AP5Z1: variants seen among roughly 807,000 people sequenced by gnomAD.
The protein encoded by AP5Z1 is adaptor related protein complex 5 subunit zeta 1, also known as AP-5 complex subunit zeta-1.
A neutral mutation model predicts 83.0 loss-of-function variants in AP5Z1; 106 were observed. The ratio of observed to expected loss-of-function variants is 1.28; its 90% confidence interval spans 1.09 to 1.50. AP5Z1 has a LOEUF of 1.50. AP5Z1 is among the 40% of genes most tolerant of loss of function. The probability of loss-of-function intolerance (pLI) is 0.00; values close to 1 mark genes in which losing one functional copy is unlikely to be tolerated. For synonymous variants in AP5Z1, 751 were observed against 514.1 expected (o/e 1.46, Z -6.23); for missense variants, 1,565 against 1,094.2 (o/e 1.43, Z -6.07).
rs778239868 is a variant in AP5Z1 at position 4,791,210 on chromosome 7, G to A, written c.2249G>A (p.Arg750Gln). The change falls in exon 17 of 17, where the codon CGG becomes CAG. Residue 750 changes from arginine (R) to glutamine (Q), a missense_variant. Physicochemically the swap from Arg to Gln is conservative, Grantham distance 43. Transcript: ENST00000649063. The part of the protein sequence containing the change: ...SEEGAEAIRT[R>Q]ATELLTLLKM... ...GAGGGCGCGGAAGCCATCCGTACCC[G>A]GGCCACAGAGCTGCTGACCCTGCTG... 66 of 1,612,522 alleles carry A rather than the reference G, an allele frequency of 4.1e-5. No individual in the cohort carries two copies. The highest frequency in any genetic ancestry group is 1.1e-4 in the East Asian group (5 of 44,862).
chr7:4,792,087 G>A lies in AP5Z1; in HGVS notation c.*702G>A, dbSNP rs1012926783. On this transcript the variant is annotated 3_prime_UTR_variant, in exon 17 of 17. Coordinates refer to ENST00000649063, the MANE Select transcript of AP5Z1 (RefSeq NM_014855.3). ...CCATTCGGAGGGAAGGCCCCAGGGA[G>A]CCACCTGAGTGGAGCTCAGAACACT... 1.3e-5 allele frequency: 2 copies of A among 152,324 alleles called. No homozygotes were observed. The highest frequency in any genetic ancestry group is 2.4e-5 in the African/African-American group (1 of 41,456). The allele number at this position is 152,324 out of a possible 1,614,324, so 9.4% of individuals were successfully genotyped here.
At position 4,784,969 on chromosome 7, in the gene AP5Z1, C is replaced by G. The variant is rs751032457; in HGVS notation, c.852C>G (p.Gly284=). Residue 284 remains glycine (G), a synonymous_variant, in exon 7 of 17, where the codon GGC becomes GGG. Transcript: ENST00000649063. The part of the protein sequence containing the change: ...LSVISATSSA[G]RLLPPRERLR... ...TGATCTCCGCCACCTCCTCTGCCGG[C>G]CGCCTGCTGCCGCCCCGGGAGCGGC... 2 of 1,612,124 alleles carry G rather than the reference C, an allele frequency of 1.2e-6. No individual in the cohort carries two copies. Among genetic ancestry groups the G allele is most frequent in the Non-Finnish European group, 1.7e-6 (2 of 1,179,460 alleles).
At chr7:4,784,401 A>C in intron 6 of AP5Z1, 30 bp downstream of exon 6, 20 of 625,386 alleles carry the variant, frequency 3.2e-5, no homozygotes, top group Non-Finnish European at 4.4e-5. Context: ...GACGTCAGAC[A>C]GGGGTGGGAG....
chr7:4,790,196 G>C (rs762048295), intron 14 of AP5Z1: 2 of 1,546,276 alleles, frequency 1.3e-6, no homozygotes, highest in Non-Finnish European at 8.7e-7. Flanking sequence ...TTGTCCCCTG[G>C]GGTCCTTCTC....
At position 4,791,081 on chromosome 7, in the gene AP5Z1, A is replaced by G. The variant is rs761369517; in HGVS notation, c.2154-34A>G. 51 of 1,536,090 alleles carry G rather than the reference A, an allele frequency of 3.3e-5. No individual in the cohort carries two copies. In the Admixed American group the frequency reaches 9.2e-4, roughly 28 times the overall value. On this transcript the variant is annotated intron_variant, in intron 16 of 16. Transcript: ENST00000649063. ...CAGACCCCTGTCCTGGGAGGGGAGCATCTGCAGCTGACGGAGGGACCTTCT... is the reference window on the plus strand; with the variant it reads ...CAGACCCCTGTCCTGGGAGGGGAGCGTCTGCAGCTGACGGAGGGACCTTCT...
chr7:4,793,219 G>A lies in AP5Z1; in HGVS notation c.*1834G>A, dbSNP rs1477409609. ...AGCAACCTTCAGGTGGCCTCCAGGA[G>A]GCAGCTGGGAAAAGGGCAAAGCTCA... is the stretch of plus-strand genomic sequence containing the variant. On this transcript the variant is annotated 3_prime_UTR_variant, in exon 17 of 17. Coordinates refer to ENST00000649063, the MANE Select transcript of AP5Z1 (RefSeq NM_014855.3). 1.3e-5 allele frequency: 2 copies of A among 152,318 alleles called. No homozygotes were observed. The highest frequency in any genetic ancestry group is 3.8e-4 in the East Asian group (2 of 5,206). 9.4% of individuals were successfully genotyped at this position (152,318 alleles called of 1,614,324 possible).
intron 13 of AP5Z1, 26 bp downstream of exon 13, chr7:4,788,977 A>G (rs1184253868): frequency 1.3e-6 from 2 of 1,591,872 alleles, no homozygotes; most frequent in Admixed American, 3.4e-5. Context: ...GGGGCCCCCC[A>G]TTCCCACAGG....
Position 4,781,783 on chromosome 7 carries a change from C to A in AP5Z1, c.366+29C>A, listed in dbSNP as rs771718182. On this transcript the variant is annotated intron_variant, in intron 3 of 16. Coordinates refer to ENST00000649063, the MANE Select transcript of AP5Z1 (RefSeq NM_014855.3). ...GCGCAGCAGTCACCACCCCAGTTGG[C>A]ACCGGATGGCTGCTTCCCAAGGAAC... 13 of 1,508,828 alleles carry A rather than the reference C, an allele frequency of 8.6e-6. No homozygotes were observed. The South Asian group carries it at 1.6e-4, about 19-fold the overall frequency. The allele number at this position is 1,508,828 out of a possible 1,614,324, so 93.5% of individuals were successfully genotyped here. A position where few individuals can be genotyped will look rare whatever the true frequency, so the allele number is the denominator to read the frequency against.
Position 4,791,316 on chromosome 7 carries a change from G to A in AP5Z1, c.2355G>A (p.Thr785=), listed in dbSNP as rs778795113. The A allele has an allele frequency of 2.2e-5, 36 of 1,610,684 alleles. No individual in the cohort carries two copies. The highest frequency in any genetic ancestry group is 1.6e-4 in the Middle Eastern group (1 of 6,082). Residue 785 remains threonine, a synonymous_variant, in exon 17 of 17, where the codon ACG becomes ACA. Coordinates refer to ENST00000649063, the MANE Select transcript of AP5Z1 (RefSeq NM_014855.3). The part of the protein sequence containing the change: ...CSPRYHRDAN[T]ALPLALRTVS... ...CCCGCTATCACCGCGATGCCAACAC[G>A]GCCCTGCCCCTGGCCCTGCGCACGG...
Position 4,788,882 on chromosome 7 carries a change from T to G in AP5Z1, c.1638T>G (p.Cys546Trp), listed in dbSNP as rs1168535264. The change falls in exon 13 of 17, where the codon TGT becomes TGG. Residue 546 changes from cysteine (C) to tryptophan (W), a missense_variant. Physicochemically the swap from Cys to Trp is radical, Grantham distance 215. Transcript: ENST00000649063. ...AGCTGCTGCAGCCCATGGCCGGCTGTGCCCGCGTGGCCCAGTGTGCCCAGG... is the reference window on the plus strand; with the variant it reads ...AGCTGCTGCAGCCCATGGCCGGCTGGGCCCGCGTGGCCCAGTGTGCCCAGG... ...LHQLLQPMAG[C>W]ARVAQCAQAV... The G allele has an allele frequency of 6.2e-7, 1 of 1,610,476 alleles. No individual in the cohort carries two copies. The highest frequency in any genetic ancestry group is 1.7e-4 in the Middle Eastern group (1 of 6,034).
Position 4,790,945 on chromosome 7 carries a change from T to G in AP5Z1, c.2153+58T>G, listed in dbSNP as rs1781748084. 7 of 1,511,652 alleles carry G rather than the reference T, an allele frequency of 4.6e-6. No homozygotes were observed. In the Admixed American group the frequency reaches 1.5e-4, roughly 32 times the overall value. The allele number at this position is 1,511,652 out of a possible 1,614,324, so 93.6% of individuals were successfully genotyped here. On this transcript the variant is annotated intron_variant, in intron 16 of 16. Transcript: ENST00000649063. ...GCTCCTGGGGAAGAGAGGTGGCTTC[T>G]GAGGTCTTCCCATCCAGGTGTTGTG...
chr7:4,787,881 C>CT, intron 11 of AP5Z1, 105 bp downstream of exon 11: 1 of 1,363,758 alleles, frequency 7.3e-7, no homozygotes, highest in Non-Finnish European at 9.8e-7. Context: ...GACCCTCCTT[C>CT]TTCCCCCCCC....
chr7:4,790,190 C>T (rs764207501), intron 14 of AP5Z1: 48 of 1,543,374 alleles, frequency 3.1e-5, no homozygotes, highest in Non-Finnish European at 3.9e-5. Context: ...CCCGTCTTGT[C>T]CCCTGGGGTC....
At chr7:4,786,454 AG>A in intron 10 of AP5Z1, 26 bp downstream of exon 10, 1 of 1,609,748 alleles carries the variant, frequency 6.2e-7, no homozygotes, top group South Asian at 1.1e-5. Flanking sequence ...CCTGGGTGCC[AG>A]GGCAGGGGCA....
rs116945273 is a variant in AP5Z1, at chr7:4,775,843, G to A, written c.41+87G>A. On this transcript the variant is annotated intron_variant, in intron 1 of 16. Transcript: ENST00000649063. ...TGGGTCTCACAGGGCAGGGGCTTGGGCGCCAGCCTTGCAGGAACCCGACTG... is the reference window on the plus strand; with the variant it reads ...TGGGTCTCACAGGGCAGGGGCTTGGACGCCAGCCTTGCAGGAACCCGACTG... 1,236 of 1,537,076 alleles carry A rather than the reference G, an allele frequency of 8.0e-4. 8 individuals are homozygous for A. The highest frequency in any genetic ancestry group is 6.8e-3 in the Admixed American group (344 of 50,392).
Position 4,784,584 on chromosome 7 carries a change from C to T in AP5Z1, c.790+213C>T, listed in dbSNP as rs188655910. On this transcript the variant is annotated intron_variant, in intron 6 of 16. Coordinates refer to ENST00000649063, the MANE Select transcript of AP5Z1 (RefSeq NM_014855.3). ...GGGTCCAGGGTCAGCACCGGGGATC[C>T]TCTGGACACCCCGTGACCCTCATGC... 1.5e-4 allele frequency among the ~76,000 whole-genome samples: 23 copies of T among 152,236 alleles called. No homozygotes were observed. The East Asian group carries it at 4.4e-3, about 29-fold the overall frequency.
At chr7:4,775,803 A>G in intron 1 of AP5Z1, 47 bp downstream of exon 1, 2 of 1,593,006 alleles carry the variant, frequency 1.3e-6, no homozygotes, top group Non-Finnish European at 1.7e-6. Context: ...ATCTCTCCCT[A>G]GGGGCACACG....
At chr7:4,787,900 AC>A (rs1467124790) in intron 11 of AP5Z1, 124 bp downstream of exon 11, 37 of 1,273,948 alleles carry the variant, frequency 2.9e-5, no homozygotes, top group Non-Finnish European at 3.8e-5. Flanking sequence ...CCAACACCTG[AC>A]CAGTCCTCCC....
intron 5 of AP5Z1, 31 bp from the exon 6 acceptor site, chr7:4,784,172 C>A: frequency 6.4e-7 from 1 of 1,558,476 alleles, no homozygotes; most frequent in South Asian, 1.2e-5. Context: ...CCTCGGCCCC[C>A]TCCGCCCACT....
Sources: allele counts gnomAD v4.1 joint callset (sites outside exome capture counted in the v4.1 genomes callset), GRCh38; gene constraint gnomAD v4.1.1; transcripts MANE v1.5; gene names NCBI Gene and HGNC (gene_info 2026-07-23, HGNC 2026-07-21).